COL6A5: variants seen among roughly 807,000 people sequenced by gnomAD.
COL6A5 encodes collagen alpha-5(VI) chain.
Under a neutral mutation model 65.6 loss-of-function variants are expected in COL6A5, and 48 were observed. That is an observed-to-expected ratio of 0.73 (90% CI 0.58 to 0.93). The LOEUF is 0.93. Among genes scored for constraint, COL6A5 ranks in the 40% least tolerant of loss-of-function variants. The pLI is 0.00. For synonymous variants in COL6A5, 291 were observed against 322.8 expected (o/e 0.90, Z 1.05); for missense variants, 914 against 928.3 (o/e 0.98, Z 0.20).
chr3:130,354,228 G>A (rs1241338454), intron 1 of COL6A5, among the ~76,000 whole-genome samples: 1 of 152,128 alleles, frequency 6.6e-6, no homozygotes, highest in Non-Finnish European at 1.5e-5. Context: ...TGTATAAATT[G>A]TCTCAGCAAC....
chr3:130,351,810 T>C lies in COL6A5; in HGVS notation c.-29+5829T>C, dbSNP rs181367124. On this transcript the variant is annotated intron_variant and NMD_transcript_variant, in intron 1 of 41. Coordinates refer to the COL6A5 transcript ENST00000312481. ...GACCCAGTGGTCTCTTTACTGGGTA[T>C]ATACCCAAAGGATTATAAATCATTC... Among the ~76,000 whole-genome samples, 434 of 152,012 alleles carry C rather than the reference T, an allele frequency of 2.9e-3. 3 individuals are homozygous for C. The highest frequency in any genetic ancestry group is 2.7e-3 in the Non-Finnish European group (183 of 68,032).
chr3:130,395,250 A>G lies in COL6A5; in HGVS notation c.3353A>G (p.Asp1118Gly), dbSNP rs187299742. The stretch of plus-strand genomic sequence containing the variant: ...ACTTTGGTTGTTATCACATCTGGAG[A>G]TCCTCGCTATGATGTGGCAGATGCA... The change falls in exon 8 of 42, where the codon GAT becomes GGT. Residue 1118 changes from aspartate to glycine, a missense_variant and NMD_transcript_variant. By Grantham distance (94) the Asp-to-Gly change is moderately conservative. Transcript: ENST00000312481. The G allele has an allele frequency of 1.2e-4, 180 of 1,551,632 alleles. 2 individuals are homozygous for G. In the East Asian group the frequency reaches 4.3e-3, roughly 37 times the overall value.
At chr3:130,363,112 T>C (rs1935201441) in intron 1 of COL6A5, among the ~76,000 whole-genome samples, 1 of 152,192 alleles carries the variant, frequency 6.6e-6, no homozygotes. Context: ...TTCTGTTTTT[T>C]TGTGGTTTTA....
At chr3:130,348,238 G>A (rs148038055) in intron 1 of COL6A5, among the ~76,000 whole-genome samples, 18 of 150,718 alleles carry the variant, frequency 1.2e-4, no homozygotes, top group Middle Eastern at 6.9e-3. Context: ...AGCCCCACAT[G>A]CATTAGGCAT....
chr3:130,380,084 A>G lies in COL6A5; in HGVS notation c.1300+34A>G, dbSNP rs1258353665. 5.0e-6 allele frequency: 7 copies of G among 1,406,066 alleles called. No homozygotes were observed. The African/African-American group carries it at 5.8e-5, about 12-fold the overall frequency. 87.1% of individuals were successfully genotyped at this position (1,406,066 alleles called of 1,614,324 possible). ...TTTAAAATACTTTTCTAATTATAAA[A>G]TTAATATAAGTGGTTACCTAGGACT... On this transcript the variant is annotated intron_variant and NMD_transcript_variant, in intron 4 of 41. Transcript: ENST00000312481.
chr3:130,429,778 GC>G (rs1225962826), upstream of COL6A5, among the ~76,000 whole-genome samples: 1 of 152,146 alleles, frequency 6.6e-6, no homozygotes, highest in Admixed American at 6.5e-5. Context: ...CTGAATCCCA[GC>G]CCCTAGCCTG....
At chr3:130,477,853 G>A (rs567298215) in intron 7 of COL6A5, among the ~76,000 whole-genome samples, 1 of 152,164 alleles carries the variant, frequency 6.6e-6, no homozygotes, top group Non-Finnish European at 1.5e-5. Flanking sequence ...GGGTTTTTCT[G>A]CAGGACTTTT....
At chr3:130,389,392 A>G (rs1311778270) in intron 6 of COL6A5, among the ~76,000 whole-genome samples, 1 of 151,990 alleles carries the variant, frequency 6.6e-6, no homozygotes, top group Non-Finnish European at 1.5e-5. Flanking sequence ...TTTACTTTAA[A>G]CTTACAAATC....
chr3:130,346,632 G>C (rs1047917944), intron 1 of COL6A5, among the ~76,000 whole-genome samples: 1 of 152,154 alleles, frequency 6.6e-6, no homozygotes, highest in East Asian at 1.9e-4. Flanking sequence ...TCCAGGTAAG[G>C]TTCTTTCAAA....
intron 7 of COL6A5, 82 bp from the exon 41 acceptor site, chr3:130,483,953 C>A: frequency 8.5e-7 from 1 of 1,174,154 alleles, no homozygotes. Flanking sequence ...TTATATGTGG[C>A]ATATAAAGGA....
At chr3:130,404,923 C>A (rs750564687) in intron 13 of COL6A5, among the ~76,000 whole-genome samples, 1 of 152,188 alleles carries the variant, frequency 6.6e-6, no homozygotes, top group Non-Finnish European at 1.5e-5. Context: ...AGTTGGGGTT[C>A]CTGCCCTCAA....
chr3:130,362,669 C>T (rs1196525933), intron 1 of COL6A5, among the ~76,000 whole-genome samples: 1 of 152,114 alleles, frequency 6.6e-6, no homozygotes, highest in African/African-American at 2.4e-5. Flanking sequence ...ATCAAAATAA[C>T]TTGCTGACAT....
At chr3:130,355,469 G>T (rs562318038) in intron 1 of COL6A5, among the ~76,000 whole-genome samples, 3 of 151,916 alleles carry the variant, frequency 2.0e-5, no homozygotes, top group Non-Finnish European at 4.4e-5. Context: ...TAAAGTTGAT[G>T]AATTTGGAAA....
rs567337985 is a variant in COL6A5, at chr3:130,401,979, G to A, written c.4227+125G>A. On this transcript the variant is annotated intron_variant and NMD_transcript_variant, in intron 12 of 41. Coordinates refer to the COL6A5 transcript ENST00000312481. ...AATGGAATTGCTTTGGACATTTCATGTGACTTTTTTGGAATAAAATCCAGG... is the reference window on the plus strand; with the variant it reads ...AATGGAATTGCTTTGGACATTTCATATGACTTTTTTGGAATAAAATCCAGG... 4 of 675,754 alleles carry A rather than the reference G, an allele frequency of 5.9e-6. No homozygotes were observed. In the South Asian group the frequency reaches 7.0e-5, roughly 12 times the overall value. 41.9% of individuals were successfully genotyped at this position (675,754 alleles called of 1,614,324 possible). A position where few individuals can be genotyped will look rare whatever the true frequency, so the allele number is the denominator to read the frequency against.
intron 24 of COL6A5, 56 bp downstream of exon 24, chr3:130,416,875 ATAAT>A: frequency 2.3e-6 from 2 of 885,260 alleles, no homozygotes; most frequent in Non-Finnish European, 3.5e-6. Flanking sequence ...TATTTAATGG[ATAAT>A]TAATAATTGC....
intron 4 of COL6A5, among the ~76,000 whole-genome samples, chr3:130,381,470 T>C (rs1935992715): frequency 6.6e-6 from 1 of 152,130 alleles, no homozygotes; most frequent in South Asian, 2.1e-4. Context: ...TTTACCTGTA[T>C]TTTTATGCAC....
intron 4 of COL6A5, among the ~76,000 whole-genome samples, chr3:130,450,516 G>A (rs1709408226): frequency 6.6e-6 from 1 of 152,122 alleles, no homozygotes; most frequent in Non-Finnish European, 1.5e-5. Flanking sequence ...ATAGCTTTGT[G>A]GGTGTCTGAT....
rs148008094 is a variant in COL6A5 at position 130,449,960 on chromosome 3, G to A, written c.1333-5495G>A. 5.1e-3 allele frequency among the ~76,000 whole-genome samples: 778 copies of A among 152,172 alleles called. 10 individuals carry two copies. The highest frequency in any genetic ancestry group is 0.018 in the African/African-American group (749 of 41,536). On this transcript the variant is annotated intron_variant, in intron 4 of 7. Transcript: ENST00000512836. ...TTGAGGTAAAGGGCCAGTGACCCCC[G>A]TGGGGACAATCAAAGGCAAAGAATC...
At chr3:130,446,410 TGTAA>T (rs1270924655) in intron 4 of COL6A5, among the ~76,000 whole-genome samples, 3 of 151,972 alleles carry the variant, frequency 2.0e-5, no homozygotes, top group African/African-American at 7.3e-5. Context: ...TAAAACCTAG[TGTAA>T]GTGAGATTCA....
Sources: gnomAD v4.1 joint callset for allele counts (sites outside exome capture counted in the v4.1 genomes callset) on GRCh38, gnomAD v4.1.1 for gene constraint, MANE v1.5 for transcripts, NCBI Gene and HGNC (gene_info 2026-07-23, HGNC 2026-07-21) for gene names.